Variants in SBSPON observed in about 807,000 individuals in gnomAD.
The protein encoded by SBSPON is somatomedin B and thrombospondin type 1 domain containing.
A neutral mutation model predicts 35.8 loss-of-function variants in SBSPON; 30 were observed. That is an observed-to-expected ratio of 0.84 (90% confidence interval 0.63 to 1.14). The LOEUF (loss-of-function observed/expected upper bound fraction) is 1.14, where lower values mean the gene tolerates loss of function less well. SBSPON is among the 50% of genes most tolerant of loss of function. The probability of loss-of-function intolerance (pLI) is 0.00; values close to 1 mark genes in which losing one functional copy is unlikely to be tolerated. For missense variants in SBSPON, 364 were observed against 357.7 expected (o/e 1.02, Z -0.14); for synonymous variants, 136 against 135.9 (o/e 1.00, Z 0.00).
At chr8:73,075,904 AT>A (rs1408287814) in intron 2 of SBSPON, among the ~76,000 whole-genome samples, 2 of 152,368 alleles carry the variant, frequency 1.3e-5, no homozygotes, top group African/African-American at 4.8e-5. Flanking sequence ...GGCTTTTTAA[AT>A]TTGTTTTTAT....
Position 73,069,847 on chromosome 8 carries a change from G to A in SBSPON, c.635C>T (p.Ser212Phe), listed in dbSNP as rs774318018. ...ATCTCCAGAACAACGAAGGCTCACA[G>A]AGTTCATAGCTGGAGGCTGACAATC... ...CVDCQPPAMNSVSLRCSGDGL... is the reference protein window; with the variant it reads ...CVDCQPPAMNFVSLRCSGDGL... Residue 212 changes from serine (S) to phenylalanine (F), a missense_variant, in exon 4 of 5, where the codon TCT (serine) becomes TTT (phenylalanine). By Grantham distance (155) the Ser-to-Phe change is radical (BLOSUM62 -2). Transcript: ENST00000297354. 1.4e-5 allele frequency: 22 copies of A among 1,614,168 alleles called. No individual in the cohort carries two copies. The highest frequency in any genetic ancestry group is 1.9e-5 in the Non-Finnish European group (22 of 1,179,980).
Position 73,067,202 on chromosome 8 carries a change from A to G in SBSPON, c.*139T>C. The G allele has an allele frequency of 3.7e-6, 2 of 538,654 alleles. No homozygotes were observed. Among genetic ancestry groups the G allele is most frequent in the Non-Finnish European group, 6.7e-6 (2 of 298,562 alleles). The allele number at this position is 538,654 out of a possible 1,614,324, so 33.4% of individuals were successfully genotyped here. On this transcript the variant is annotated 3_prime_UTR_variant, in exon 5 of 5. Coordinates refer to ENST00000297354, the MANE Select transcript of SBSPON (RefSeq NM_153225.4). ...GTGTTCCTTGAGAACTGGCCCCTAA[A>G]TTTTCTTTCTCTACTTCAGAGTGTG...
At chr8:73,080,432 G>A (rs1810674102) in intron 2 of SBSPON, among the ~76,000 whole-genome samples, 2 of 152,012 alleles carry the variant, frequency 1.3e-5, no homozygotes, top group Non-Finnish European at 2.9e-5. Context: ...GAAGAATGGC[G>A]TGAACCCAGG....
rs200904194 is a variant in SBSPON at position 73,069,785 on chromosome 8, C to G, written c.677+20G>C. Reference sequence around the variant, plus strand: ...AGAATGAGTGACAAGAAAAGTACTTCAGTTAATTTCCATTCTTACCCATCG... The same window carrying G: ...AGAATGAGTGACAAGAAAAGTACTTGAGTTAATTTCCATTCTTACCCATCG... On this transcript the variant is annotated intron_variant, in intron 4 of 4. Coordinates refer to ENST00000297354, the MANE Select transcript of SBSPON (RefSeq NM_153225.4). The G allele has an allele frequency of 6.2e-7, 1 of 1,601,152 alleles. No homozygotes were observed.
At chr8:73,068,162 CACTGCTACCTCA>C (rs1473701722) in intron 4 of SBSPON, among the ~76,000 whole-genome samples, 1 of 152,142 alleles carries the variant, frequency 6.6e-6, no homozygotes. Flanking sequence ...TTTTTAAAGT[CACTGCTACCTCA>C]GCCAGGGTTT....
chr8:73,070,455 C>T (rs1012555710), intron 3 of SBSPON, among the ~76,000 whole-genome samples: 6 of 152,188 alleles, frequency 3.9e-5, no homozygotes, highest in South Asian at 2.1e-4. Context: ...TTCTGCTCCA[C>T]GAAAGTACCC....
At chr8:73,087,686 C>T (rs1239694449) in intron 1 of SBSPON, among the ~76,000 whole-genome samples, 1 of 152,182 alleles carries the variant, frequency 6.6e-6, no homozygotes, top group East Asian at 1.9e-4. Flanking sequence ...ATGATGTCAT[C>T]AGACTTTGGC....
intron 1 of SBSPON, among the ~76,000 whole-genome samples, chr8:73,084,584 C>T (rs1810782861): frequency 6.6e-6 from 1 of 152,076 alleles, no homozygotes; most frequent in Non-Finnish European, 1.5e-5. Context: ...AAGCTCTTTC[C>T]CACCCTGGGA....
At chr8:73,081,809 C>T (rs1168693645) in intron 1 of SBSPON, among the ~76,000 whole-genome samples, 1 of 152,142 alleles carries the variant, frequency 6.6e-6, no homozygotes, top group Non-Finnish European at 1.5e-5. Flanking sequence ...TTTCTTTCTC[C>T]ATGGCTTGTA....
chr8:73,072,435 A>G (rs1329803845), intron 2 of SBSPON, among the ~76,000 whole-genome samples: 1 of 152,118 alleles, frequency 6.6e-6, no homozygotes, highest in East Asian at 1.9e-4. Flanking sequence ...GTGGGAGGCC[A>G]TGGTGGGTGG....
intron 3 of SBSPON, 113 bp from the exon 4 acceptor site, chr8:73,070,094 A>G: frequency 1.7e-6 from 1 of 598,670 alleles, no homozygotes. Context: ...TGGAGCAGGT[A>G]GTGAGTACAT....
At chr8:73,088,980 C>G (rs1340750068) in intron 1 of SBSPON, among the ~76,000 whole-genome samples, 3 of 152,150 alleles carry the variant, frequency 2.0e-5, no homozygotes, top group African/African-American at 7.2e-5. Flanking sequence ...GCAGTTGAGT[C>G]TCAGTACTCA....
chr8:73,075,803 T>C (rs1810583492), intron 2 of SBSPON: 13 of 907,654 alleles, frequency 1.4e-5, no homozygotes, highest in Non-Finnish European at 1.7e-5. Flanking sequence ...TAGAGGCATA[T>C]GGTTTATAAT....
intron 1 of SBSPON, among the ~76,000 whole-genome samples, chr8:73,086,205 C>T (rs1001539626): frequency 2.6e-5 from 4 of 151,752 alleles, no homozygotes; most frequent in Admixed American, 6.6e-5. Context: ...CTGTCACCCA[C>T]GCTGGAGTGC....
intron 3 of SBSPON, 124 bp downstream of exon 3, chr8:73,071,656 T>G (rs914059520): frequency 4.7e-6 from 3 of 632,540 alleles, no homozygotes; most frequent in Non-Finnish European, 8.3e-6. Context: ...AGAGTCCATA[T>G]TTTAGCCAAA....
chr8:73,069,783 T>G, intron 4 of SBSPON, 22 bp downstream of exon 4: 1 of 1,600,108 alleles, frequency 6.2e-7, no homozygotes, highest in Non-Finnish European at 8.6e-7. Flanking sequence ...AGAAAAGTAC[T>G]TCAGTTAATT....
At chr8:73,075,408 A>G (rs989132114) in intron 2 of SBSPON, among the ~76,000 whole-genome samples, 7 of 152,238 alleles carry the variant, frequency 4.6e-5, no homozygotes, top group African/African-American at 9.6e-5. Flanking sequence ...GTAATGAAAT[A>G]ACTTAGAAAT....
chr8:73,092,773 G>A (rs1810960014), intron 1 of SBSPON, 81 bp downstream of exon 1: 3 of 1,095,392 alleles, frequency 2.7e-6, no homozygotes, highest in Admixed American at 2.0e-5. Context: ...CAGGGACTGA[G>A]GTCCTTGGCA....
chr8:73,093,028 G>A lies in SBSPON; in HGVS notation c.40C>T (p.Leu14=). The change falls in exon 1 of 5, where the codon CTG becomes TTG. Residue 14 remains leucine (L), a synonymous_variant. Coordinates refer to ENST00000297354, the MANE Select transcript of SBSPON (RefSeq NM_153225.4). ...CAGCCGGCCTGGGCCCCGGGCCACA[G>A]CCGCGACAGCGCGCACAGCGCCATC... ...LWMALCALSR[L]WPGAQAGCAE... is the part of the protein sequence containing the mutation. 1 of 1,392,444 alleles carries A rather than the reference G, an allele frequency of 7.2e-7. No individual in the cohort carries two copies. Among genetic ancestry groups the A allele is most frequent in the Non-Finnish European group, 9.3e-7 (1 of 1,079,584 alleles). The allele number at this position is 1,392,444 out of a possible 1,614,324, so 86.3% of individuals were successfully genotyped here.
Sources: allele counts gnomAD v4.1 joint callset (sites outside exome capture counted in the v4.1 genomes callset), GRCh38; gene constraint gnomAD v4.1.1; transcripts MANE v1.5; gene names NCBI Gene and HGNC (gene_info 2026-07-23, HGNC 2026-07-21).